Variants in RAB19 observed in about 807,000 individuals in gnomAD.
RAB19 encodes RAB19, member RAS oncogene family, also known as ras-related protein Rab-19.
RAB19 carries 21 observed loss-of-function variants against 17.3 expected under a neutral mutation model. The ratio of observed to expected loss-of-function variants is 1.21; its 90% CI spans 0.86 to 1.74. The LOEUF (loss-of-function observed/expected upper bound fraction) is 1.74, where lower values mean the gene tolerates loss of function less well. RAB19 is among the 40% of genes most tolerant of loss of function. RAB19 has a pLI of 0.00. For synonymous variants in RAB19, 126 were observed against 110.4 expected (o/e 1.14, Z -0.88); for missense variants, 277 against 286.8 (o/e 0.97, Z 0.25).
Position 140,412,064 on chromosome 7 carries a change from C to A in RAB19, c.385+7C>A. The A allele has an allele frequency of 3.7e-6, 6 of 1,607,210 alleles. No individual in the cohort carries two copies. Among genetic ancestry groups the A allele is most frequent in the Non-Finnish European group, 4.2e-6 (5 of 1,178,854 alleles). On this transcript the variant is annotated splice_region_variant and intron_variant, in intron 3 of 3. Coordinates refer to ENST00000537763, the MANE Select transcript of RAB19 (RefSeq NM_001008749.3). ...GTGGTCATTATGCTGATTGGTATGGCATTTTTGAAGTTTTTAACTTTTGTT... is the reference window on the plus strand; with the variant it reads ...GTGGTCATTATGCTGATTGGTATGGAATTTTTGAAGTTTTTAACTTTTGTT...
At chr7:140,420,786 C>T (rs1049242666) in intron 3 of RAB19, among the ~76,000 whole-genome samples, 2 of 152,206 alleles carry the variant, frequency 1.3e-5, no homozygotes, top group African/African-American at 4.8e-5. Flanking sequence ...AGCCCTTTGT[C>T]AGTTACATAT....
In RAB19 at chr7:140,427,730, G is replaced by T. The variant is rs551290272; in HGVS notation, c.*1580G>T. Among the ~76,000 whole-genome samples the T allele has an allele frequency of 6.6e-6, 1 of 152,078 alleles. No homozygotes were observed. Among genetic ancestry groups the T allele is most frequent in the South Asian group, 2.1e-4 (1 of 4,820 alleles). On this transcript the variant is annotated 3_prime_UTR_variant, in exon 4 of 4. Transcript: ENST00000537763. ...GCCTCCCAAAGTGCTGGGATTACAGGTGTGAACCACCGCACCTGGCCTTTT... is the reference window on the plus strand; with the variant it reads ...GCCTCCCAAAGTGCTGGGATTACAGTTGTGAACCACCGCACCTGGCCTTTT...
intron 3 of RAB19, among the ~76,000 whole-genome samples, chr7:140,420,863 G>A (rs1799549252): frequency 6.6e-6 from 1 of 151,990 alleles, no homozygotes; most frequent in Admixed American, 6.6e-5. Context: ...ATACCTGAAG[G>A]AAGGAATATT....
chr7:140,411,702 C>T (rs1799365231), intron 2 of RAB19, 172 bp from the exon 3 acceptor site: 2 of 1,427,284 alleles, frequency 1.4e-6, no homozygotes, highest in Non-Finnish European at 1.9e-6. Flanking sequence ...ATATCCAAGT[C>T]ATCCAGGGAG....
intron 3 of RAB19, among the ~76,000 whole-genome samples, chr7:140,417,235 C>CAAA (rs36052693): frequency 0.02 from 2,316 of 116,554 alleles, 66 homozygotes; most frequent in East Asian, 0.062. Flanking sequence ...GACTCTGTCT[C>CAAA]AAAAAAAAAA....
chr7:140,416,992 G>A (rs1024070816), intron 3 of RAB19, among the ~76,000 whole-genome samples: 3 of 151,412 alleles, frequency 2.0e-5, no homozygotes, highest in East Asian at 1.9e-4. Flanking sequence ...TTGGGAGGCC[G>A]AGGCAGGTGG....
chr7:140,409,161 C>G lies in RAB19; in HGVS notation c.201+1314C>G, dbSNP rs138816693. On this transcript the variant is annotated intron_variant, in intron 2 of 3. Transcript: ENST00000537763. ...GGTGGATGACTTGAGGTCAGAAGTT[C>G]AAGACCAGCCTGGCCAACATGGTGA... Among the ~76,000 whole-genome samples, 1,164 of 151,878 alleles carry G rather than the reference C, an allele frequency of 7.7e-3. 8 individuals are homozygous for G. Among genetic ancestry groups the G allele is most frequent in the African/African-American group, 0.027 (1,117 of 41,452 alleles).
rs1799669778 is a variant in RAB19, at chr7:140,426,211, G to A, written c.*61G>A. Reference sequence around the variant, plus strand: ...CCGCCTCTGAAACCAAAGGTAGCCAGGATACCGTAGTGTTGCCCCAGTGGC... The same window carrying A: ...CCGCCTCTGAAACCAAAGGTAGCCAAGATACCGTAGTGTTGCCCCAGTGGC... On this transcript the variant is annotated 3_prime_UTR_variant, in exon 4 of 4. Coordinates refer to ENST00000537763, the MANE Select transcript of RAB19 (RefSeq NM_001008749.3). 8.9e-6 allele frequency: 14 copies of A among 1,568,146 alleles called. No individual in the cohort carries two copies. The highest frequency in any genetic ancestry group is 2.0e-4 in the Middle Eastern group (1 of 5,060).
At position 140,426,322 on chromosome 7, in the gene RAB19, G is replaced by C. The variant is rs1248331495; in HGVS notation, c.*172G>C. The stretch of plus-strand genomic sequence containing the variant: ...CACTTCTCCCTTGACTCACACCACA[G>C]GTCATAGCTGCTGACTCTCAGGAAA... On this transcript the variant is annotated 3_prime_UTR_variant, in exon 4 of 4. Coordinates refer to ENST00000537763, the MANE Select transcript of RAB19 (RefSeq NM_001008749.3). 7.3e-6 allele frequency: 5 copies of C among 681,466 alleles called. No homozygotes were observed. The South Asian group carries it at 8.9e-5, about 12-fold the overall frequency. The allele number at this position is 681,466 out of a possible 1,614,324, so 42.2% of individuals were successfully genotyped here.
chr7:140,419,712 C>T (rs1370060632), intron 3 of RAB19, among the ~76,000 whole-genome samples: 1 of 152,142 alleles, frequency 6.6e-6, no homozygotes, highest in Non-Finnish European at 1.5e-5. Flanking sequence ...TAATCTCAAA[C>T]CACTTGCCAG....
At chr7:140,409,234 C>T (rs1033432850) in intron 2 of RAB19, among the ~76,000 whole-genome samples, 5 of 151,950 alleles carry the variant, frequency 3.3e-5, no homozygotes, top group Middle Eastern at 3.4e-3. Flanking sequence ...CATGGTGGCG[C>T]GTGCCTGTAG....
At chr7:140,420,420 CAAA>C (rs560889183) in intron 3 of RAB19, among the ~76,000 whole-genome samples, 3 of 87,310 alleles carry the variant, frequency 3.4e-5, no homozygotes, top group African/African-American at 9.1e-5. Flanking sequence ...GACTCCATAT[CAAA>C]AAAAAAAAAA....
intron 1 of RAB19, among the ~76,000 whole-genome samples, chr7:140,406,881 G>GT (rs1180140029): frequency 6.7e-6 from 1 of 149,456 alleles, no homozygotes; most frequent in Non-Finnish European, 1.5e-5. Flanking sequence ...GTAGTTTTTT[G>GT]TTTTTTGGGT....
chr7:140,409,076 T>G (rs1234769521), intron 2 of RAB19, among the ~76,000 whole-genome samples: 2 of 152,162 alleles, frequency 1.3e-5, no homozygotes, highest in African/African-American at 2.4e-5. Context: ...GGTCAAATTT[T>G]CTAGTGGCCA....
At chr7:140,411,847 TGGA>T in intron 2 of RAB19, 24 bp from the exon 3 acceptor site, 1 of 1,614,068 alleles carries the variant, frequency 6.2e-7, no homozygotes, top group Non-Finnish European at 8.5e-7. Flanking sequence ...ACCCCTGATT[TGGA>T]CTCTCCTTCC....
chr7:140,405,542 G>C (rs1309288467), intron 1 of RAB19, among the ~76,000 whole-genome samples: 1 of 97,424 alleles, frequency 1.0e-5, no homozygotes, highest in African/African-American at 4.2e-5. Flanking sequence ...TATTTTAATA[G>C]AGATGGGCGG....
Position 140,426,287 on chromosome 7 carries a change from G to A in RAB19, c.*137G>A, listed in dbSNP as rs2130177283. 4.1e-6 allele frequency: 4 copies of A among 974,008 alleles called. No homozygotes were observed. The South Asian group carries it at 5.2e-5, about 13-fold the overall frequency. The allele number at this position is 974,008 out of a possible 1,614,324, so 60.3% of individuals were successfully genotyped here. The stretch of plus-strand genomic sequence containing the variant: ...CGCTCACCCCTAATCCTCCCAGTCT[G>A]GATGGGCCACACTTCTCCCTTGACT... On this transcript the variant is annotated 3_prime_UTR_variant, in exon 4 of 4. Transcript: ENST00000537763.
At chr7:140,422,990 C>A (rs1315107594) in intron 3 of RAB19, among the ~76,000 whole-genome samples, 1 of 151,418 alleles carries the variant, frequency 6.6e-6, no homozygotes, top group Non-Finnish European at 1.5e-5. Context: ...TGCCTGTAAT[C>A]CCAGTTATTC....
In RAB19 at chr7:140,426,839, CTTTT is replaced by C. The variant is rs398067341; in HGVS notation, c.*706_*709del. Among the ~76,000 whole-genome samples, 7 of 124,018 alleles carry C rather than the reference CTTTT, an allele frequency of 5.6e-5. No individual in the cohort carries two copies. Among genetic ancestry groups the C allele is most frequent in the Admixed American group, 8.2e-5 (1 of 12,190 alleles). The allele number at this position is 124,018 out of a possible 152,430, so 81.4% of individuals were successfully genotyped here. A position where few individuals can be genotyped will look rare whatever the true frequency, so the allele number is the denominator to read the frequency against. On this transcript the variant is annotated 3_prime_UTR_variant, in exon 4 of 4. Coordinates refer to ENST00000537763, the MANE Select transcript of RAB19 (RefSeq NM_001008749.3). ...AAGACACCTGCAATTTTTTTTCTTT[CTTTT>C]TTTTTTTTTTTTTTTTGAGACAGGG...
Sources: gnomAD v4.1 joint callset for allele counts (sites outside exome capture counted in the v4.1 genomes callset) on GRCh38, gnomAD v4.1.1 for gene constraint, MANE v1.5 for transcripts, NCBI Gene and HGNC (gene_info 2026-07-23, HGNC 2026-07-21) for gene names.